The following CROCC variants were observed in gnomAD, a reference collection of about 807,000 sequenced individuals.
CROCC encodes the protein ciliary rootlet coiled-coil, rootletin.
Under a neutral mutation model 245.2 loss-of-function variants are expected in CROCC, and 180 were observed. The ratio of observed to expected loss-of-function variants is 0.73; its 90% confidence interval spans 0.65 to 0.83. CROCC has a LOEUF of 0.83. CROCC is among the 40% of genes least tolerant of loss of function. The probability of loss-of-function intolerance (pLI) is 0.00; values close to 1 mark genes in which losing one functional copy is unlikely to be tolerated. For missense variants in CROCC, 2,688 were observed against 2,779.4 expected, an observed-to-expected ratio of 0.97 and a Z score of 0.74; for synonymous variants, 1,205 against 1,241.6, an observed-to-expected ratio of 0.97 and a Z score of 0.62.
At chr1:16,922,148 G>T in intron 1 of CROCC, 70 bp downstream of exon 1, 2 of 1,394,168 alleles carry the variant, frequency 1.4e-6, no homozygotes, top group South Asian at 2.9e-5. Context: ...GTGGTGAGAG[G>T]TGTGTGCGTC....
chr1:16,969,638 G>A (rs2076479738), intron 32 of CROCC, 147 bp from the exon 33 acceptor site: 1 of 1,161,376 alleles, frequency 8.6e-7, no homozygotes, highest in South Asian at 1.5e-5. Flanking sequence ...TCAGTGGATA[G>A]GCCGTGGATG....
At chr1:16,930,230 G>A (rs755612877) in intron 5 of CROCC, 23 bp downstream of exon 5, 48 of 1,586,298 alleles carry the variant, frequency 3.0e-5, no homozygotes, top group Non-Finnish European at 4.1e-5. Flanking sequence ...GTGGGGCAGG[G>A]GCAGGCCCTG....
chr1:16,944,584 A>G (rs112119748), intron 14 of CROCC, among the ~76,000 whole-genome samples: 1,366 of 149,608 alleles, frequency 9.1e-3, no homozygotes, highest in African/African-American at 0.033. Context: ...GAAGAATAAT[A>G]ATATCCTTAC....
chr1:16,971,410 A>G, intron 35 of CROCC, 55 bp from the exon 36 acceptor site: 2 of 1,474,452 alleles, frequency 1.4e-6, no homozygotes, highest in Non-Finnish European at 9.0e-7. Flanking sequence ...CCCGTCACAC[A>G]TGCACACACA....
At chr1:16,959,325 A>C (rs1192892998) in intron 26 of CROCC, among the ~76,000 whole-genome samples, 3 of 151,730 alleles carry the variant, frequency 2.0e-5, no homozygotes, top group African/African-American at 7.3e-5. Context: ...CACCCTTCCT[A>C]CCATTAGCCC....
At chr1:16,955,175 T>C in intron 23 of CROCC, 137 bp from the exon 24 acceptor site, 1 of 852,908 alleles carries the variant, frequency 1.2e-6, no homozygotes. Flanking sequence ...CTTGCTCAAA[T>C]GATAACTCAC....
In CROCC at chr1:16,954,770, C is replaced by G; in HGVS notation, c.3358C>G (p.Leu1120Val). ...VNALTSELRD[L>V]RAQREEAAAA... ...CGCTCTGACGTCTGAGCTGCGGGACCTACGGGCCCAGCGGGAGGAGGCTGC... is the reference window on the plus strand; with the variant it reads ...CGCTCTGACGTCTGAGCTGCGGGACGTACGGGCCCAGCGGGAGGAGGCTGC... The change falls in exon 23 of 37, where the codon CTA becomes GTA. Residue 1120 changes from leucine to valine, a missense_variant. This residue lies in a region of CROCC where 1,218 missense variants were observed against 1,286.3 expected (regional missense o/e 0.95). Coordinates refer to ENST00000375541, the MANE Select transcript of CROCC (RefSeq NM_014675.5). This position sits in a 1 kb window ranked among gnomAD's most constrained non-coding sequence, Gnocchi z 4.4. 1 of 1,555,456 alleles carries G rather than the reference C, an allele frequency of 6.4e-7. No homozygotes were observed. The highest frequency in any genetic ancestry group is 8.7e-7 in the Non-Finnish European group (1 of 1,150,270).
intron 13 of CROCC, 121 bp downstream of exon 13, chr1:16,940,214 A>C (rs1203276699): frequency 1.9e-6 from 2 of 1,079,426 alleles, no homozygotes; most frequent in Non-Finnish European, 2.6e-6. Context: ...GCATGTGCCT[A>C]TTAACGTTTA....
chr1:16,935,521 C>T (rs1393554708), intron 8 of CROCC, among the ~76,000 whole-genome samples: 6 of 152,224 alleles, frequency 3.9e-5, no homozygotes, highest in African/African-American at 4.8e-5. Context: ...CCTGGGTTCA[C>T]GCCATTCTCC....
Position 16,937,740 on chromosome 1 carries a change from G to A in CROCC, c.1290+3G>A, listed in dbSNP as rs1230029688. ...TCACTGAGAAGCTTGAGGCCCTGGT[G>A]AGCTGCAGGTGCCCCTGAGATGGGG... is the stretch of plus-strand genomic sequence containing the variant. On this transcript the variant is annotated splice_donor_region_variant and intron_variant, in intron 10 of 36. Transcript: ENST00000375541. 1 of 1,606,864 alleles carries A rather than the reference G, an allele frequency of 6.2e-7. No homozygotes were observed. The highest frequency in any genetic ancestry group is 1.7e-5 in the Admixed American group (1 of 59,688).
intron 13 of CROCC, 68 bp downstream of exon 13, chr1:16,940,161 G>C (rs1177172214): frequency 6.7e-7 from 1 of 1,495,638 alleles, no homozygotes; most frequent in Non-Finnish European, 9.0e-7. Context: ...CACCAGTCAA[G>C]CCTTATGCGT....
intron 2 of CROCC, among the ~76,000 whole-genome samples, 190 bp downstream of exon 2, chr1:16,922,988 T>A (rs1172018484): frequency 6.6e-6 from 1 of 152,296 alleles, no homozygotes; most frequent in Non-Finnish European, 1.5e-5. Flanking sequence ...TCCAGACTTA[T>A]TCCGCATGTG....
rs538426322 is a variant in CROCC at position 16,962,544 on chromosome 1, A to C, written c.4405+1414A>C. Among the ~76,000 whole-genome samples, 7 of 141,302 alleles carry C rather than the reference A, an allele frequency of 5.0e-5. No homozygotes were observed. The East Asian group carries it at 1.3e-3, about 25-fold the overall frequency. 92.7% of individuals were successfully genotyped at this position (141,302 alleles called of 152,430 possible). ...AGCTAGACTCCGTCTCAAAAAAAAA[A>C]AAAAAAAAAAAAAAAAACAGGATTT... On this transcript the variant is annotated intron_variant, in intron 27 of 36. Coordinates refer to ENST00000375541, the MANE Select transcript of CROCC (RefSeq NM_014675.5).
intron 11 of CROCC, 144 bp from the exon 12 acceptor site, chr1:16,938,765 G>T: frequency 1.2e-6 from 1 of 861,108 alleles, no homozygotes; most frequent in South Asian, 1.6e-5. Flanking sequence ...CTGAGCTAGT[G>T]GAGGAGGTGA....
At position 16,969,313 on chromosome 1, in the gene CROCC, C is replaced by T. The variant is rs993785757; in HGVS notation, c.5274C>T (p.Ala1758=). 1 of 1,612,094 alleles carries T rather than the reference C, an allele frequency of 6.2e-7. No homozygotes were observed. The part of the protein sequence containing the change: ...KNLHLQKALT[A]CEHDRQVLQE... ...TGCATCTGCAGAAGGCTCTGACCGCCTGTGAACATGACCGCCAAGTACTCC... is the reference window on the plus strand; with the variant it reads ...TGCATCTGCAGAAGGCTCTGACCGCTTGTGAACATGACCGCCAAGTACTCC... The change falls in exon 32 of 37, where the codon GCC becomes GCT. Residue 1758 remains alanine (A), a synonymous_variant. Transcript: ENST00000375541.
At chr1:16,963,563 A>G (rs6696928) in intron 27 of CROCC, among the ~76,000 whole-genome samples, 136,134 of 152,180 alleles carry the variant, frequency 0.89, 60,950 homozygotes, top group East Asian at 0.96. Context: ...GACCAAGTTC[A>G]TGGCTGCGGA....
At chr1:16,925,330 C>T (rs564845035) in intron 3 of CROCC, among the ~76,000 whole-genome samples, 34 of 152,366 alleles carry the variant, frequency 2.2e-4, no homozygotes, top group South Asian at 4.1e-4. Flanking sequence ...ACACCAAGGT[C>T]GGGACCATTA....
chr1:16,922,435 G>T (rs1328135275), intron 1 of CROCC, among the ~76,000 whole-genome samples: 6 of 152,274 alleles, frequency 3.9e-5, no homozygotes, highest in Non-Finnish European at 8.8e-5. Context: ...GGAGTTACCC[G>T]TAGGGTTTGG....
intron 13 of CROCC, among the ~76,000 whole-genome samples, chr1:16,942,412 A>C (rs2075952852): frequency 6.6e-6 from 1 of 152,282 alleles, no homozygotes; most frequent in Non-Finnish European, 1.5e-5. Flanking sequence ...AAAAGTTTGA[A>C]AAATAGGAAT....
Sources: gnomAD v4.1 joint callset for allele counts (sites outside exome capture counted in the v4.1 genomes callset) on GRCh38, gnomAD v4.1.1 for gene constraint, gnomAD v4.1.1 regional missense constraint, Gnocchi (gnomAD v3.1) non-coding constraint, MANE v1.5 for transcripts, NCBI Gene and HGNC (gene_info 2026-07-23, HGNC 2026-07-21) for gene names.